PHLPP2: variants seen among roughly 807,000 people sequenced by gnomAD.
PHLPP2 encodes PH domain leucine-rich repeat-containing protein phosphatase 2.
Under a neutral mutation model 124.9 loss-of-function variants are expected in PHLPP2, and 66 were observed. That is an observed-to-expected ratio of 0.53 (90% CI 0.43 to 0.65). The LOEUF (loss-of-function observed/expected upper bound fraction) is 0.65. PHLPP2 is among the 30% of genes least tolerant of loss of function. The pLI, the probability that PHLPP2 is intolerant of heterozygous loss-of-function variation, is 0.00. For missense variants in PHLPP2, 1,685 were observed against 1,600.4 expected (o/e 1.05, Z -0.90); for synonymous variants, 681 against 624.7 (o/e 1.09, Z -1.34).
In PHLPP2 at chr16:71,678,743, G is replaced by A. The variant is rs1189533857; in HGVS notation, c.1268+12C>T. 2 of 1,386,772 alleles carry A rather than the reference G, an allele frequency of 1.4e-6. No homozygotes were observed. The highest frequency in any genetic ancestry group is 1.4e-5 in the African/African-American group (1 of 70,558). The allele number at this position is 1,386,772 out of a possible 1,614,324, so 85.9% of individuals were successfully genotyped here. On this transcript the variant is annotated intron_variant, in intron 8 of 18. Coordinates refer to ENST00000568954, the MANE Select transcript of PHLPP2 (RefSeq NM_015020.3). ...TCAATTTAAAGGAAGGTGTGGTAAA[G>A]AATAACCTTACCTTAAATCCACATG... is the stretch of plus-strand genomic sequence containing the variant.
At chr16:71,666,641 T>C (rs1157073344) in intron 12 of PHLPP2, among the ~76,000 whole-genome samples, 1 of 152,236 alleles carries the variant, frequency 6.6e-6, no homozygotes, top group Non-Finnish European at 1.5e-5. Flanking sequence ...AGACATGTCA[T>C]CTATTTGTTA....
chr16:71,661,216 A>T (rs894608574), intron 13 of PHLPP2, among the ~76,000 whole-genome samples: 1 of 151,752 alleles, frequency 6.6e-6, no homozygotes, highest in Non-Finnish European at 1.5e-5. Context: ...ACAGGCAGGC[A>T]CACAACACCA....
At chr16:71,661,376 C>G (rs898717426) in intron 13 of PHLPP2, among the ~76,000 whole-genome samples, 1 of 151,954 alleles carries the variant, frequency 6.6e-6, no homozygotes, top group Non-Finnish European at 1.5e-5. Flanking sequence ...AGGCCTAATT[C>G]TTGTCTTTAT....
chr16:71,684,409 A>G, intron 5 of PHLPP2, 67 bp downstream of exon 5: 7 of 1,542,442 alleles, frequency 4.5e-6, no homozygotes, highest in Non-Finnish European at 4.5e-6. Context: ...TACAGACGTG[A>G]GCCACCACGC....
chr16:71,658,131 C>G, intron 15 of PHLPP2, 102 bp downstream of exon 15: 1 of 999,344 alleles, frequency 1.0e-6, no homozygotes, highest in Non-Finnish European at 1.5e-6. Context: ...TAACTTCATT[C>G]TGTTCTTTTA....
At chr16:71,700,217 C>G (rs2045217188) in intron 3 of PHLPP2, among the ~76,000 whole-genome samples, 1 of 152,016 alleles carries the variant, frequency 6.6e-6, no homozygotes, top group African/African-American at 2.4e-5. Flanking sequence ...GAGCCATGAG[C>G]AACATGGCGA....
intron 9 of PHLPP2, among the ~76,000 whole-genome samples, chr16:71,673,330 TG>T (rs1364693921): frequency 6.6e-6 from 1 of 152,240 alleles, no homozygotes. Flanking sequence ...CAGCTGCCCC[TG>T]GGATTTTTAG....
rs762198945 is a variant in PHLPP2, at chr16:71,656,551, T to G, written c.2390+20A>C. On this transcript the variant is annotated intron_variant, in intron 16 of 18. Coordinates refer to ENST00000568954, the MANE Select transcript of PHLPP2 (RefSeq NM_015020.3). ...GGGCTGCCTTTTTTCTTTCTCAGTC[T>G]CCATGGCCAATATACTCACTTATTT... is the stretch of plus-strand genomic sequence containing the variant. 1 of 1,458,090 alleles carries G rather than the reference T, an allele frequency of 6.9e-7. No individual in the cohort carries two copies. The allele number at this position is 1,458,090 out of a possible 1,614,324, so 90.3% of individuals were successfully genotyped here.
chr16:71,712,321 G>C lies in PHLPP2; in HGVS notation c.284+2191C>G, dbSNP rs1283348418. On this transcript the variant is annotated intron_variant, in intron 2 of 18. Coordinates refer to ENST00000568954, the MANE Select transcript of PHLPP2 (RefSeq NM_015020.3). ...TTCTAATCAATTATACCTTCAAAGGGCTATTTCATTATAAATGATGAAGGC... is the reference window on the plus strand; with the variant it reads ...TTCTAATCAATTATACCTTCAAAGGCCTATTTCATTATAAATGATGAAGGC... Among the ~76,000 whole-genome samples the C allele has an allele frequency of 2.0e-5, 3 of 152,190 alleles. No homozygotes were observed. In the East Asian group the frequency reaches 5.8e-4, roughly 29 times the overall value.
intron 1 of PHLPP2, among the ~76,000 whole-genome samples, chr16:71,720,372 C>T (rs555311056): frequency 2.9e-4 from 44 of 152,188 alleles, no homozygotes; most frequent in African/African-American, 1.0e-3. Flanking sequence ...CCCGCCTCGG[C>T]CTCCCAAAGT....
chr16:71,703,235 T>G (rs1055683734), intron 2 of PHLPP2, among the ~76,000 whole-genome samples: 1 of 152,256 alleles, frequency 6.6e-6, no homozygotes, highest in Non-Finnish European at 1.5e-5. Context: ...AAGTGTTTTT[T>G]TAACTTTTTG....
intron 4 of PHLPP2, 102 bp from the exon 5 acceptor site, chr16:71,684,703 G>A (rs1415608847): frequency 8.7e-7 from 1 of 1,154,760 alleles, no homozygotes; most frequent in Admixed American, 2.7e-5. Context: ...TTTAAAAATA[G>A]TTATTTTTTA....
chr16:71,660,421 A>AT (rs34944080), intron 13 of PHLPP2, among the ~76,000 whole-genome samples: 938 of 72,626 alleles, frequency 0.013, 33 homozygotes, highest in Non-Finnish European at 0.018. Flanking sequence ...TATACACTGT[A>AT]TTTTTTTTTT....
Position 71,698,357 on chromosome 16 carries a change from T to G in PHLPP2, c.418+4241A>C, listed in dbSNP as rs1303027167. Among the ~76,000 whole-genome samples, 6 of 152,292 alleles carry G rather than the reference T, an allele frequency of 3.9e-5. No homozygotes were observed. The East Asian group carries it at 9.7e-4, about 25-fold the overall frequency. ...CCCACTTCTTAGAGATGTGGGATCT[T>G]CTGGCAACCAGGGAACTTCAACTTG... On this transcript the variant is annotated intron_variant, in intron 3 of 18. Coordinates refer to ENST00000568954, the MANE Select transcript of PHLPP2 (RefSeq NM_015020.3).
Position 71,649,769 on chromosome 16 carries a change from A to C in PHLPP2, c.3093T>G (p.Val1031=). The change falls in exon 19 of 19, where the codon GTT becomes GTG. Residue 1031 remains valine (V), a synonymous_variant. Transcript: ENST00000568954. ...GCQDNVGAMV[V]YLNIGEEGCT... is the part of the protein sequence containing the mutation. ...AGCCTTCCTCACCAATATTCAAATAAACTACCATCGCCCCTACATTGTCCT... is the reference window on the plus strand; with the variant it reads ...AGCCTTCCTCACCAATATTCAAATACACTACCATCGCCCCTACATTGTCCT... The C allele has an allele frequency of 6.2e-7, 1 of 1,614,204 alleles. No homozygotes were observed. Among genetic ancestry groups the C allele is most frequent in the Non-Finnish European group, 8.5e-7 (1 of 1,180,038 alleles).
rs2145299848 is a variant in PHLPP2, at chr16:71,648,990, A to C, written c.3872T>G (p.Val1291Gly). 6.2e-7 allele frequency: 1 copy of C among 1,613,584 alleles called. No individual in the cohort carries two copies. Among genetic ancestry groups the C allele is most frequent in the Non-Finnish European group, 8.5e-7 (1 of 1,179,868 alleles). Residue 1291 changes from valine to glycine, a missense_variant, in exon 19 of 19, where the codon GTG becomes GGG. By Grantham distance (109) the Val-to-Gly change is moderately radical (BLOSUM62 -3). Coordinates refer to ENST00000568954, the MANE Select transcript of PHLPP2 (RefSeq NM_015020.3). ...CTGGTGCTGTTTCATTTGTTCCTTC[A>C]CTTCTTCTTCCAGGTCATGAGGCAC... ...FVVPHDLEEE[V>G]KEQMKQHQDS...
intron 3 of PHLPP2, among the ~76,000 whole-genome samples, chr16:71,700,730 T>C (rs750602551): frequency 1.2e-4 from 18 of 152,078 alleles, no homozygotes; most frequent in Non-Finnish European, 2.4e-4. Context: ...TTTCACTGTG[T>C]TAGCCAGGAT....
At chr16:71,682,945 C>CG (rs1555546693) in intron 5 of PHLPP2, among the ~76,000 whole-genome samples, 2 of 152,074 alleles carry the variant, frequency 1.3e-5, no homozygotes, top group Non-Finnish European at 2.9e-5. Context: ...CCAAGGCGGG[C>CG]GGATCACCTG....
At chr16:71,657,629 C>T (rs905322587) in intron 15 of PHLPP2, among the ~76,000 whole-genome samples, 3 of 144,328 alleles carry the variant, frequency 2.1e-5, no homozygotes, top group Non-Finnish European at 4.6e-5. Flanking sequence ...CTCCTGACCT[C>T]GTGATCCACC....
Sources: gnomAD v4.1 joint callset for allele counts (sites outside exome capture counted in the v4.1 genomes callset) on GRCh38, gnomAD v4.1.1 for gene constraint, MANE v1.5 for transcripts, NCBI Gene and HGNC (gene_info 2026-07-23, HGNC 2026-07-21) for gene names.